The following CAPN5 variants were observed in gnomAD, a reference collection of about 807,000 sequenced individuals.
CAPN5 encodes calpain 5, also known as calpain-5.
CAPN5 carries 54 observed loss-of-function variants against 73.0 expected under a neutral mutation model. The observed-to-expected ratio is 0.74, with a 90% CI of 0.59 to 0.93. The LOEUF (loss-of-function observed/expected upper bound fraction) is 0.93, where lower values mean the gene tolerates loss of function less well. Among genes scored for constraint, CAPN5 ranks in the 40% least tolerant of loss-of-function variants. The pLI is 0.00. For missense variants in CAPN5, 785 were observed against 882.9 expected (o/e 0.89, Z 1.41); for synonymous variants, 335 against 356.9 (o/e 0.94, Z 0.69).
intron 3 of CAPN5, among the ~76,000 whole-genome samples, chr11:77,096,597 G>C (rs951951309): frequency 2.6e-4 from 40 of 152,254 alleles, no homozygotes; most frequent in African/African-American, 9.2e-4. Flanking sequence ...CCTGAGGGCA[G>C]GGCAGTGGAC....
rs1555043381 is a variant in CAPN5, at chr11:77,123,865, GTCTGACACCTGCCCACCTACCTGGC to G, written c.*2_*26del. ...TCTCAGCAGCACCTCCCTCATGGCT[GTCTGACACCTGCCCACCTACCTGGC>G]TCTGACCGTTCCCACCACCATCTGC... is the stretch of plus-strand genomic sequence containing the variant. On this transcript the variant is annotated stop_retained_variant and 3_prime_UTR_variant, in exon 13 of 13. Coordinates refer to ENST00000648180, the MANE Select transcript of CAPN5 (RefSeq NM_004055.5). The G allele has an allele frequency of 6.2e-7, 1 of 1,612,732 alleles. No homozygotes were observed. The highest frequency in any genetic ancestry group is 8.5e-7 in the Non-Finnish European group (1 of 1,179,632).
At chr11:77,109,028 C>T (rs1255569101) in intron 3 of CAPN5, among the ~76,000 whole-genome samples, 1 of 152,126 alleles carries the variant, frequency 6.6e-6, no homozygotes, top group Non-Finnish European at 1.5e-5. Context: ...TGTTCTCTGT[C>T]CCCTGCGTTT....
chr11:77,118,327 A>T lies in CAPN5; in HGVS notation c.1142A>T (p.Lys381Met). The change falls in exon 8 of 13, where the codon AAG (lysine) becomes ATG (methionine). Residue 381 changes from lysine to methionine, a missense_variant. Lys to Met is a moderately conservative substitution (Grantham distance 95). Transcript: ENST00000648180. ...QNRGGGCINHKDTFFQNPQYI... is the reference protein window; with the variant it reads ...QNRGGGCINHMDTFFQNPQYI... ...CGCGGTGGCGGCTGCATCAACCACA[A>T]GGACACCTTCTTCCAGAACCCACAG... is the stretch of plus-strand genomic sequence containing the variant. The T allele has an allele frequency of 6.2e-7, 1 of 1,600,560 alleles. No homozygotes were observed. The highest frequency in any genetic ancestry group is 1.1e-5 in the South Asian group (1 of 89,310).
chr11:77,090,884 GGGA>G (rs1950141835), intron 2 of CAPN5, among the ~76,000 whole-genome samples: 1 of 152,182 alleles, frequency 6.6e-6, no homozygotes, highest in African/African-American at 2.4e-5. Flanking sequence ...GAGGGCAGCG[GGGA>G]GGAGAGGGAA....
intron 5 of CAPN5, among the ~76,000 whole-genome samples, chr11:77,115,161 C>T (rs903154340): frequency 6.6e-6 from 1 of 152,190 alleles, no homozygotes; most frequent in South Asian, 2.1e-4. Context: ...AACAGCTGAG[C>T]CAGTGCACGT....
In CAPN5 at chr11:77,067,632, C is replaced by CGTGTGTGTGTGTGTGTGTGTGTGTGT. The variant is rs71043542; in HGVS notation, c.-36+551_-36+576dup. On this transcript the variant is annotated intron_variant, in intron 1 of 12. Transcript: ENST00000648180. ...TCTCCTTGACTGCAGGGCGGGCGCA[C>CGTGTGTGTGTGTGTGTGTGTGTGTGT]GTGTGTGTGTGTGTGTGTGTGTGTG... Among the ~76,000 whole-genome samples, 20 of 126,736 alleles carry CGTGTGTGTGTGTGTGTGTGTGTGTGT rather than the reference C, an allele frequency of 1.6e-4. 1 individual carries two copies. The East Asian group carries it at 1.7e-3, about 11-fold the overall frequency. 83.1% of individuals were successfully genotyped at this position (126,736 alleles called of 152,430 possible). A position where few individuals can be genotyped will look rare whatever the true frequency, so the allele number is the denominator to read the frequency against.
Position 77,124,023 on chromosome 11 carries a change from C to T in CAPN5, c.*153C>T. On this transcript the variant is annotated 3_prime_UTR_variant, in exon 13 of 13. Coordinates refer to ENST00000648180, the MANE Select transcript of CAPN5 (RefSeq NM_004055.5). ...CCTTAGGAAGTCTCTGCCCCTCTCTCAGCCTCAGTGTCCCGAGGGCCCCGA... is the reference window on the plus strand; with the variant it reads ...CCTTAGGAAGTCTCTGCCCCTCTCTTAGCCTCAGTGTCCCGAGGGCCCCGA... 2.8e-6 allele frequency: 2 copies of T among 702,464 alleles called. No homozygotes were observed. The highest frequency in any genetic ancestry group is 2.9e-5 in the Admixed American group (1 of 34,722). 43.5% of individuals were successfully genotyped at this position (702,464 alleles called of 1,614,324 possible).
chr11:77,104,163 G>A (rs568106667), intron 3 of CAPN5, among the ~76,000 whole-genome samples: 7 of 152,342 alleles, frequency 4.6e-5, no homozygotes, highest in Admixed American at 3.9e-4. Context: ...TGGTCCGGAT[G>A]ACCTTGGCCT....
intron 5 of CAPN5, 138 bp downstream of exon 5, chr11:77,114,572 T>C: frequency 1.2e-6 from 1 of 802,058 alleles, no homozygotes; most frequent in Non-Finnish European, 2.1e-6. Flanking sequence ...GGGGAGAAGT[T>C]GGAAGGTGCA....
At chr11:77,083,356 C>T (rs1950047122) in intron 1 of CAPN5, among the ~76,000 whole-genome samples, 1 of 152,224 alleles carries the variant, frequency 6.6e-6, no homozygotes, top group African/African-American at 2.4e-5. Context: ...CCCTCTTTCC[C>T]TCCACATGAG....
intron 3 of CAPN5, among the ~76,000 whole-genome samples, chr11:77,095,658 C>T (rs560737197): frequency 6.6e-6 from 1 of 152,242 alleles, no homozygotes; most frequent in Non-Finnish European, 1.5e-5. Context: ...TGACTCCAGT[C>T]TCCCCAGGAG....
At chr11:77,096,590 GAGGGC>G (rs1163465080) in intron 3 of CAPN5, among the ~76,000 whole-genome samples, 10 of 152,216 alleles carry the variant, frequency 6.6e-5, no homozygotes, top group Middle Eastern at 3.2e-3. Flanking sequence ...TACATTCCCT[GAGGGC>G]AGGGCAGTGG....
chr11:77,115,996 T>G (rs1950464259), intron 6 of CAPN5, among the ~76,000 whole-genome samples: 1 of 152,054 alleles, frequency 6.6e-6, no homozygotes, highest in African/African-American at 2.4e-5. Flanking sequence ...AGCTTTACTT[T>G]CAGACCTCCC....
chr11:77,111,240 G>A (rs77573646), intron 3 of CAPN5, among the ~76,000 whole-genome samples: 6,287 of 152,214 alleles, frequency 0.041, 450 homozygotes, highest in African/African-American at 0.14. Context: ...AAGGGACCAT[G>A]TGATTCACCT....
At chr11:77,087,870 G>T (rs1434586287) in intron 2 of CAPN5, 2 of 1,533,432 alleles carry the variant, frequency 1.3e-6, no homozygotes, top group Admixed American at 2.0e-5. Context: ...GTCCTCTTGG[G>T]TGCCGACCTG....
At chr11:77,122,531 G>GCCCCC in intron 11 of CAPN5, 45 bp from the exon 12 acceptor site, 2 of 1,228,402 alleles carry the variant, frequency 1.6e-6, no homozygotes, top group South Asian at 1.3e-5. Flanking sequence ...CCCTGCCACA[G>GCCCCC]CCCCCACCCC....
At chr11:77,096,147 G>A (rs1018752523) in intron 3 of CAPN5, among the ~76,000 whole-genome samples, 5 of 152,138 alleles carry the variant, frequency 3.3e-5, no homozygotes, top group Non-Finnish European at 7.4e-5. Context: ...AAGGGCAGTG[G>A]GGGGGCTGCC....
At chr11:77,103,824 G>T (rs1166169000) in intron 3 of CAPN5, among the ~76,000 whole-genome samples, 1 of 152,216 alleles carries the variant, frequency 6.6e-6, no homozygotes, top group African/African-American at 2.4e-5. Context: ...CGGAGCCTGT[G>T]TCTGGGCTGC....
intron 2 of CAPN5, among the ~76,000 whole-genome samples, chr11:77,085,480 T>C (rs1337852430): frequency 6.6e-6 from 1 of 152,226 alleles, no homozygotes; most frequent in Middle Eastern, 3.2e-3. Flanking sequence ...AAATGAAAAG[T>C]ATTTATTATG....
Sources: allele counts gnomAD v4.1 joint callset (sites outside exome capture counted in the v4.1 genomes callset), GRCh38; gene constraint gnomAD v4.1.1; transcripts MANE v1.5; gene names NCBI Gene and HGNC (gene_info 2026-07-23, HGNC 2026-07-21).